AGAP1: variants seen among roughly 807,000 people sequenced by gnomAD.
AGAP1 encodes arf-GAP with GTPase, ANK repeat and PH domain-containing protein 1.
In AGAP1, 29 loss-of-function variants were observed where a neutral mutation model predicts 105.3. The observed-to-expected ratio is 0.28, with a 90% CI of 0.21 to 0.38. The LOEUF (loss-of-function observed/expected upper bound fraction) is 0.38, where lower values mean the gene tolerates loss of function less well. Among genes scored for constraint, AGAP1 ranks in the 10% least tolerant of loss-of-function variants. The pLI is 1.00. For missense variants in AGAP1, 998 were observed against 1,165.1 expected (o/e 0.86, Z 2.09); for synonymous variants, 509 against 485.9 (o/e 1.05, Z -0.63).
At position 236,005,098 on chromosome 2, in the gene AGAP1, T is replaced by A. The variant is rs2056272772; in HGVS notation, c.1646-31463T>A. ...GTTATTCCCATAGGCTTCCCACCAC[T>A]TCCCCCTGACAAGTTTCCCATGTTT... is the stretch of plus-strand genomic sequence containing the variant. On this transcript the variant is annotated intron_variant, in intron 13 of 17. Coordinates refer to ENST00000304032, the MANE Select transcript of AGAP1 (RefSeq NM_001037131.3). This position sits in a 1 kb window ranked among gnomAD's most constrained non-coding sequence, Gnocchi z 4.1. Among the ~76,000 whole-genome samples, 1 of 151,936 alleles carries A rather than the reference T, an allele frequency of 6.6e-6. No homozygotes were observed. Among genetic ancestry groups the A allele is most frequent in the African/African-American group, 2.4e-5 (1 of 41,342 alleles).
chr2:236,000,511 G>A lies in AGAP1; in HGVS notation c.1645+31888G>A, dbSNP rs1299100066. 6.6e-6 allele frequency among the ~76,000 whole-genome samples: 1 copy of A among 152,146 alleles called. No individual in the cohort carries two copies. Among genetic ancestry groups the A allele is most frequent in the Non-Finnish European group, 1.5e-5 (1 of 68,026 alleles). On this transcript the variant is annotated intron_variant, in intron 13 of 17. Transcript: ENST00000304032. This position sits in a 1 kb window ranked among gnomAD's most constrained non-coding sequence, Gnocchi z 4.3. Reference sequence around the variant, plus strand: ...CAGTCCCCCACCCTGAGCGTTGATGGTGGGGTGTGCATCCCCCACCCCCCA... The same window carrying A: ...CAGTCCCCCACCCTGAGCGTTGATGATGGGGTGTGCATCCCCCACCCCCCA...
rs990179497 is a variant in AGAP1 at position 235,793,625 on chromosome 2, G to A, written c.674-4134G>A. ...AGTTAATAGATGGGAAGTGTGGGCC[G>A]CCTAGCCCTGCTCAGCCTTTGAGCA... On this transcript the variant is annotated intron_variant, in intron 6 of 17. Coordinates refer to ENST00000304032, the MANE Select transcript of AGAP1 (RefSeq NM_001037131.3). This position sits in a 1 kb window ranked among gnomAD's most constrained non-coding sequence, Gnocchi z 5.3. 2.6e-5 allele frequency among the ~76,000 whole-genome samples: 4 copies of A among 152,098 alleles called. No homozygotes were observed. In the East Asian group the frequency reaches 5.8e-4, roughly 22 times the overall value.
rs553639436 is a variant in AGAP1, at chr2:235,754,247, C to A, written c.673+3759C>A. ...TGGGGAGGGCCTTGCAGGGGATGCA[C>A]CCAGCCAGCAGGGCCCCTGCCTGCT... On this transcript the variant is annotated intron_variant, in intron 6 of 17. Coordinates refer to ENST00000304032, the MANE Select transcript of AGAP1 (RefSeq NM_001037131.3). The surrounding 1 kb of genome is among the most constrained non-coding windows in gnomAD (Gnocchi z 4.6). 4.6e-5 allele frequency among the ~76,000 whole-genome samples: 7 copies of A among 152,284 alleles called. No homozygotes were observed. The highest frequency in any genetic ancestry group is 1.7e-4 in the African/African-American group (7 of 41,562).
Position 235,961,186 on chromosome 2 carries a change from T to A in AGAP1, c.1484-7276T>A, listed in dbSNP as rs765027833. ...ACGCATGGAGCATGTCATGTCCCCA[T>A]GTGGAGAGAGCCACGGAGCACAGGG... On this transcript the variant is annotated intron_variant, in intron 12 of 17. Transcript: ENST00000304032. This position sits in a 1 kb window ranked among gnomAD's most constrained non-coding sequence, Gnocchi z 5.9. 1.3e-5 allele frequency among the ~76,000 whole-genome samples: 2 copies of A among 152,164 alleles called. No individual in the cohort carries two copies. The highest frequency in any genetic ancestry group is 2.9e-5 in the Non-Finnish European group (2 of 68,022).
chr2:236,041,029 CT>C (rs1474710250), intron 15 of AGAP1, among the ~76,000 whole-genome samples, 188 bp downstream of exon 15: 2 of 152,280 alleles, frequency 1.3e-5, no homozygotes, highest in East Asian at 3.9e-4. Context: ...AGCCTCACCC[CT>C]GGCTGCAGGG....
intron 1 of AGAP1, among the ~76,000 whole-genome samples, chr2:235,646,831 A>G (rs942009247): frequency 3.3e-5 from 5 of 152,194 alleles, no homozygotes; most frequent in Admixed American, 6.5e-5. Flanking sequence ...AAGCTTGTCC[A>G]TATCACAGAA....
chr2:235,709,233 A>G lies in AGAP1; in HGVS notation c.218A>G (p.Lys73Arg), dbSNP rs752777269. The G allele has an allele frequency of 3.1e-6, 5 of 1,613,878 alleles. No individual in the cohort carries two copies. Among genetic ancestry groups the G allele is most frequent in the Admixed American group, 1.7e-5 (1 of 59,988 alleles). ...CTGAGTCGATCTGTCCCGGAGCTCA[A>G]AGTGGTGAGTGGTTCCCTCTGGCCC... ...WTLSRSVPEL[K>R]VGIVGNLASG... The change falls in exon 2 of 18, where the codon AAA becomes AGA. Residue 73 changes from lysine to arginine, a missense_variant. This residue lies in a region of AGAP1 where 735 missense variants were observed against 833.4 expected (regional missense o/e 0.88). Coordinates refer to ENST00000304032, the MANE Select transcript of AGAP1 (RefSeq NM_001037131.3).
intron 1 of AGAP1, among the ~76,000 whole-genome samples, chr2:235,528,486 T>C (rs1184728475): frequency 1.3e-5 from 2 of 151,800 alleles, no homozygotes; most frequent in East Asian, 3.9e-4. Flanking sequence ...ATGACAGAAA[T>C]GCAGGGAAAA....
In AGAP1 at chr2:235,494,755, C is replaced by T. The variant is rs778738371; in HGVS notation, c.69C>T (p.Val23=). The T allele has an allele frequency of 3.8e-6, 6 of 1,575,176 alleles. No individual in the cohort carries two copies. Among genetic ancestry groups the T allele is most frequent in the South Asian group, 1.1e-5 (1 of 87,874 alleles). The change falls in exon 1 of 18, where the codon GTC becomes GTT. Residue 23 remains valine (V), a synonymous_variant. Coordinates refer to ENST00000304032, the MANE Select transcript of AGAP1 (RefSeq NM_001037131.3). ...CCGAGATCCAGCGCTTCGAGTCGGTCCACCCCAACATCTACTCCATCTACG... is the reference window on the plus strand; with the variant it reads ...CCGAGATCCAGCGCTTCGAGTCGGTTCACCCCAACATCTACTCCATCTACG... ...IRAEIQRFES[V]HPNIYSIYEL... is the part of the protein sequence containing the mutation.
chr2:235,743,247 C>T (rs1246933083), intron 4 of AGAP1, among the ~76,000 whole-genome samples: 2 of 152,186 alleles, frequency 1.3e-5, no homozygotes, highest in Non-Finnish European at 1.5e-5. Context: ...GGGTGCCCCC[C>T]ACACAAGTTG....
intron 1 of AGAP1, among the ~76,000 whole-genome samples, chr2:235,668,553 ATTG>A (rs1948207331): frequency 6.6e-6 from 1 of 152,222 alleles, no homozygotes; most frequent in African/African-American, 2.4e-5. Context: ...ATTAGGGGAC[ATTG>A]TATTTTTCCT....
At chr2:235,772,453 A>G (rs1404959723) in intron 6 of AGAP1, among the ~76,000 whole-genome samples, 1 of 152,138 alleles carries the variant, frequency 6.6e-6, no homozygotes, top group African/African-American at 2.4e-5. Flanking sequence ...GCCCCATCAG[A>G]TCTCCATCTT....
At chr2:235,546,279 G>A (rs1442969721) in intron 1 of AGAP1, among the ~76,000 whole-genome samples, 2 of 152,202 alleles carry the variant, frequency 1.3e-5, no homozygotes, top group Admixed American at 6.5e-5. Flanking sequence ...GCAGGCCCTC[G>A]GGTGCCACCT....
chr2:235,945,492 C>T (rs527547220), intron 12 of AGAP1, among the ~76,000 whole-genome samples: 1 of 152,302 alleles, frequency 6.6e-6, no homozygotes, highest in Non-Finnish European at 1.5e-5. Flanking sequence ...CATGTTTCAG[C>T]CTGTTTCTAC....
chr2:235,757,163 T>C (rs1210362106), intron 6 of AGAP1, among the ~76,000 whole-genome samples: 1 of 152,202 alleles, frequency 6.6e-6, no homozygotes, highest in Non-Finnish European at 1.5e-5. Context: ...TCAAGATCCA[T>C]GTCAAAGAGA....
chr2:235,983,939 GTTCAA>G lies in AGAP1; in HGVS notation c.1645+15321_1645+15325del, dbSNP rs367854094. Among the ~76,000 whole-genome samples the G allele has an allele frequency of 2.9e-3, 439 of 152,312 alleles. No homozygotes were observed. Among genetic ancestry groups the G allele is most frequent in the Non-Finnish European group, 4.9e-3 (331 of 68,034 alleles). On this transcript the variant is annotated intron_variant, in intron 13 of 17. Coordinates refer to ENST00000304032, the MANE Select transcript of AGAP1 (RefSeq NM_001037131.3). The surrounding 1 kb of genome is among the most constrained non-coding windows in gnomAD (Gnocchi z 4.5). ...TTTGCCATTTTAATTGTTTTTAAGT[GTTCAA>G]TTCAGTGCCGTTGAATTATATTTTC...
At position 235,550,229 on chromosome 2, in the gene AGAP1, T is replaced by G. The variant is rs1171011413; in HGVS notation, c.163+55380T>G. Among the ~76,000 whole-genome samples, 1 of 152,154 alleles carries G rather than the reference T, an allele frequency of 6.6e-6. No individual in the cohort carries two copies. The highest frequency in any genetic ancestry group is 1.5e-5 in the Non-Finnish European group (1 of 68,020). ...GAGCACACAGGCAGCCCGAGGCACC[T>G]CCTCGTCACAGTGTTCTCCGCAGCC... On this transcript the variant is annotated intron_variant, in intron 1 of 17. Coordinates refer to ENST00000304032, the MANE Select transcript of AGAP1 (RefSeq NM_001037131.3). This position sits in a 1 kb window ranked among gnomAD's most constrained non-coding sequence, Gnocchi z 4.6.
At chr2:236,102,152 TCAC>T (rs2059364291) in intron 16 of AGAP1, among the ~76,000 whole-genome samples, 2 of 151,924 alleles carry the variant, frequency 1.3e-5, no homozygotes, top group Admixed American at 6.6e-5. Context: ...GCGCGGTGGC[TCAC>T]GCCTGTAATC....
At chr2:235,929,877 A>G (rs2052638121) in intron 11 of AGAP1, among the ~76,000 whole-genome samples, 1 of 152,204 alleles carries the variant, frequency 6.6e-6, no homozygotes, top group African/African-American at 2.4e-5. Context: ...TGCACTGTGA[A>G]AAACTTATGT....
Sources: gnomAD v4.1 joint callset for allele counts (sites outside exome capture counted in the v4.1 genomes callset) on GRCh38, gnomAD v4.1.1 for gene constraint, gnomAD v4.1.1 regional missense constraint, Gnocchi (gnomAD v3.1) non-coding constraint, MANE v1.5 for transcripts, NCBI Gene and HGNC (gene_info 2026-07-23, HGNC 2026-07-21) for gene names.